Variants in TNNI3K observed in about 807,000 individuals in gnomAD.
TNNI3K encodes serine/threonine-protein kinase TNNI3K.
In TNNI3K, 140 loss-of-function variants were observed where a neutral mutation model predicts 114.5. That is an observed-to-expected ratio of 1.22 (90% CI 1.07 to 1.41). The LOEUF (loss-of-function observed/expected upper bound fraction) is 1.41. Ranked by LOEUF, TNNI3K falls within the 40% of genes most tolerant of loss-of-function variation. TNNI3K has a pLI of 0.00. For synonymous variants in TNNI3K, 347 were observed against 347.5 expected, an observed-to-expected ratio of 1.00 and a Z score of 0.02; for missense variants, 1,125 against 1,007.6, an observed-to-expected ratio of 1.12 and a Z score of -1.58.
At chr1:74,337,914 A>T (rs546111167) in intron 7 of TNNI3K, among the ~76,000 whole-genome samples, 18 of 152,112 alleles carry the variant, frequency 1.2e-4, no homozygotes, top group Non-Finnish European at 2.1e-4. Flanking sequence ...GATTGCATGA[A>T]TATACCATAA....
intron 2 of TNNI3K, among the ~76,000 whole-genome samples, chr1:74,241,715 A>AT (rs1334204453): frequency 6.6e-6 from 1 of 151,986 alleles, no homozygotes; most frequent in Non-Finnish European, 1.5e-5. Flanking sequence ...ATTTTCTCCC[A>AT]TTCTGTAGGT....
chr1:74,417,256 C>G (rs1381517356), intron 17 of TNNI3K, among the ~76,000 whole-genome samples: 1 of 151,920 alleles, frequency 6.6e-6, no homozygotes, highest in East Asian at 1.9e-4. Context: ...TAGACAGGAG[C>G]AGAATTGACT....
intron 23 of TNNI3K, among the ~76,000 whole-genome samples, chr1:74,531,440 T>C (rs1341388486): frequency 6.6e-6 from 1 of 152,160 alleles, no homozygotes; most frequent in Non-Finnish European, 1.5e-5. Flanking sequence ...AAATATCATC[T>C]TACTCTTTAG....
Position 74,500,517 on chromosome 1 carries a change from T to C in TNNI3K, c.2351+8251T>C, listed in dbSNP as rs1294500736. ...TACTTGGGAGGCTGAGGCAGGAGAA[T>C]GGCGTGAACCCGGGAGGCGGAGCTT... On this transcript the variant is annotated intron_variant, in intron 23 of 24. Coordinates refer to ENST00000326637, the MANE Select transcript of TNNI3K (RefSeq NM_015978.3). 2.7e-5 allele frequency among the ~76,000 whole-genome samples: 4 copies of C among 145,942 alleles called. No individual in the cohort carries two copies. The East Asian group carries it at 8.1e-4, about 30-fold the overall frequency.
chr1:74,350,771 CAAGAGT>C (rs528116599), intron 9 of TNNI3K, among the ~76,000 whole-genome samples: 2,279 of 152,130 alleles, frequency 0.015, 46 homozygotes, highest in African/African-American at 0.05. Context: ...CTGTTTTATC[CAAGAGT>C]AGGATTGCAA....
intron 20 of TNNI3K, among the ~76,000 whole-genome samples, chr1:74,447,094 T>G (rs2100687631): frequency 6.6e-6 from 1 of 151,362 alleles, no homozygotes; most frequent in Non-Finnish European, 1.5e-5. Context: ...ATTGGTAGCT[T>G]GATGGGAATG....
intron 17 of TNNI3K, among the ~76,000 whole-genome samples, chr1:74,419,912 T>A (rs1557554970): frequency 6.6e-6 from 1 of 152,090 alleles, no homozygotes. Flanking sequence ...ACATAAATAT[T>A]GTATTCACAG....
At chr1:74,470,101 T>C in intron 21 of TNNI3K, 1 of 400,740 alleles carries the variant, frequency 2.5e-6, no homozygotes, top group Non-Finnish European at 4.4e-6. Context: ...TGGTTGAATA[T>C]TTTGAACTTC....
intron 17 of TNNI3K, chr1:74,371,117 T>A (rs1021082585): frequency 1.3e-5 from 2 of 151,878 alleles, no homozygotes; most frequent in African/African-American, 4.8e-5. Flanking sequence ...ATTTAGTTTA[T>A]GAAGCAAGTC....
chr1:74,361,750 G>A (rs998451928), intron 11 of TNNI3K, among the ~76,000 whole-genome samples: 2 of 152,100 alleles, frequency 1.3e-5, no homozygotes, highest in Admixed American at 6.6e-5. Flanking sequence ...GAAGGGGAAG[G>A]TCTCTCTGGG....
intron 17 of TNNI3K, among the ~76,000 whole-genome samples, chr1:74,378,203 A>T (rs1046274562): frequency 2.0e-5 from 3 of 152,048 alleles, no homozygotes; most frequent in Non-Finnish European, 2.9e-5. Flanking sequence ...TTTCAAGTTA[A>T]AATTTTTCTT....
intron 17 of TNNI3K, among the ~76,000 whole-genome samples, chr1:74,417,574 A>G (rs1423377110): frequency 6.6e-6 from 1 of 151,992 alleles, no homozygotes; most frequent in African/African-American, 2.4e-5. Flanking sequence ...CTCACACAAT[A>G]TATCTCTTGT....
chr1:74,251,871 A>G (rs946910157), intron 4 of TNNI3K, among the ~76,000 whole-genome samples: 4 of 152,196 alleles, frequency 2.6e-5, no homozygotes, highest in Admixed American at 2.6e-4. Flanking sequence ...TGCCTAGTCA[A>G]TTCTTCTAAT....
At chr1:74,525,495 T>C (rs541533277) in intron 23 of TNNI3K, among the ~76,000 whole-genome samples, 1 of 152,214 alleles carries the variant, frequency 6.6e-6, no homozygotes, top group East Asian at 1.9e-4. Context: ...GCATAGAACA[T>C]TGAATCTGAG....
intron 4 of TNNI3K, among the ~76,000 whole-genome samples, chr1:74,261,877 T>G (rs1655695974): frequency 6.6e-6 from 1 of 152,084 alleles, no homozygotes; most frequent in Admixed American, 6.6e-5. Context: ...AACAACTCAT[T>G]TTATATATGT....
chr1:74,465,867 C>T (rs952824238), intron 21 of TNNI3K, among the ~76,000 whole-genome samples: 1 of 152,134 alleles, frequency 6.6e-6, no homozygotes, highest in African/African-American at 2.4e-5. Context: ...GTAAAATGGA[C>T]CAATCAGCAG....
At chr1:74,324,921 T>C (rs1346485447) in intron 5 of TNNI3K, among the ~76,000 whole-genome samples, 1 of 151,980 alleles carries the variant, frequency 6.6e-6, no homozygotes, top group African/African-American at 2.4e-5. Context: ...AAGTAGATTA[T>C]TGTAGGAGAT....
chr1:74,393,203 C>A (rs1011542), intron 17 of TNNI3K, among the ~76,000 whole-genome samples: 127,106 of 152,036 alleles, frequency 0.84, 53,761 homozygotes, highest in Middle Eastern at 0.92. Flanking sequence ...TATCTCAGAT[C>A]ATTAAAGCAG....
intron 17 of TNNI3K, among the ~76,000 whole-genome samples, chr1:74,422,326 T>C (rs1665439951): frequency 6.6e-6 from 1 of 152,138 alleles, no homozygotes; most frequent in African/African-American, 2.4e-5. Flanking sequence ...CCAATGCAGG[T>C]ATTTCATTTC....
Sources: gnomAD v4.1 joint callset for allele counts (sites outside exome capture counted in the v4.1 genomes callset) on GRCh38, gnomAD v4.1.1 for gene constraint, MANE v1.5 for transcripts, NCBI Gene and HGNC (gene_info 2026-07-23, HGNC 2026-07-21) for gene names.